The following EMID1 variants were observed in gnomAD, a reference collection of about 807,000 sequenced individuals.
EMID1 encodes EMI domain-containing protein 1.
A neutral mutation model predicts 60.6 loss-of-function variants in EMID1; 40 were observed. The ratio of observed to expected loss-of-function variants is 0.66; its 90% CI spans 0.51 to 0.86. The LOEUF is 0.86. Ranked by LOEUF, EMID1 falls within the 40% of genes least tolerant of loss-of-function variation. The probability of loss-of-function intolerance (pLI) is 0.00; values close to 1 mark genes in which losing one functional copy is unlikely to be tolerated. For synonymous variants in EMID1, 242 were observed against 231.0 expected, an observed-to-expected ratio of 1.05 and a Z score of -0.43; for missense variants, 585 against 597.1, an observed-to-expected ratio of 0.98 and a Z score of 0.21.
chr22:29,225,133 T>C lies in EMID1; in HGVS notation c.320T>C (p.Val107Ala), dbSNP rs142089387. ...PGHSGVSCEE[V>A]AASSASLEPM... ...AGGGCTCTCACCCTCCATCCCTTAG[T>C]TGCAGCTTCCTCTGCCTCCTTGGAG... Residue 107 changes from valine (V) to alanine (A), a missense_variant and splice_region_variant, in exon 4 of 15, where the codon GTT becomes GCT. Coordinates refer to ENST00000334018, the MANE Select transcript of EMID1 (RefSeq NM_133455.4). 15 of 1,613,742 alleles carry C rather than the reference T, an allele frequency of 9.3e-6. No individual in the cohort carries two copies. The Admixed American group carries it at 1.7e-4, about 18-fold the overall frequency.
rs562700332 is a variant in EMID1, at chr22:29,231,491, C to T, written c.587-102C>T. On this transcript the variant is annotated intron_variant, in intron 6 of 14. Coordinates refer to ENST00000334018, the MANE Select transcript of EMID1 (RefSeq NM_133455.4). ...GGAGCCATAGAGAGTGTGAGGGTCCCGCTGCTTCCCCGAAATGGTAGATGC... is the reference window on the plus strand; with the variant it reads ...GGAGCCATAGAGAGTGTGAGGGTCCTGCTGCTTCCCCGAAATGGTAGATGC... The T allele has an allele frequency of 1.8e-5, 23 of 1,281,856 alleles. No homozygotes were observed. The Admixed American group carries it at 2.0e-4, about 11-fold the overall frequency. 79.4% of individuals were successfully genotyped at this position (1,281,856 alleles called of 1,614,324 possible). A position where few individuals can be genotyped will look rare whatever the true frequency, so the allele number is the denominator to read the frequency against.
At chr22:29,234,424 C>A in intron 12 of EMID1, 75 bp downstream of exon 12, 1 of 1,528,450 alleles carries the variant, frequency 6.5e-7, no homozygotes, top group East Asian at 2.3e-5. Flanking sequence ...GACTCCATCC[C>A]CTGCAACCAG....
intron 13 of EMID1, among the ~76,000 whole-genome samples, chr22:29,248,636 GAGTTCCAGACTAACCTAGGCAGC>G: frequency 6.6e-6 from 1 of 152,108 alleles, no homozygotes; most frequent in Non-Finnish European, 1.5e-5. Context: ...TTGAGCCCAG[GAGTTCCAGACTAACCTAGGCAGC>G]ATAGCGAGAC....
At chr22:29,228,605 C>T (rs1180471463) in intron 5 of EMID1, among the ~76,000 whole-genome samples, 3 of 152,154 alleles carry the variant, frequency 2.0e-5, no homozygotes, top group African/African-American at 7.2e-5. Flanking sequence ...GATTCAGAAA[C>T]AGGGTCTTGC....
At chr22:29,234,398 C>T (rs762841078) in intron 12 of EMID1, 49 bp downstream of exon 12, 1 of 1,596,304 alleles carries the variant, frequency 6.3e-7, no homozygotes, top group Non-Finnish European at 8.5e-7. Flanking sequence ...ATCCCTTAGT[C>T]CCAGATTCCT....
intron 12 of EMID1, among the ~76,000 whole-genome samples, chr22:29,243,172 A>G (rs5752885): frequency 0.14 from 20,826 of 152,032 alleles, 1,655 homozygotes; most frequent in East Asian, 0.23. Context: ...GATGGGGCTG[A>G]GGTGCACCCT....
Position 29,255,131 on chromosome 22 carries a change from A to C in EMID1, c.1204+844A>C, listed in dbSNP as rs541506399. The C allele has an allele frequency of 5.4e-5, 26 of 485,684 alleles. No individual in the cohort carries two copies. The East Asian group carries it at 6.5e-4, about 12-fold the overall frequency. The allele number at this position is 485,684 out of a possible 1,614,324, so 30.1% of individuals were successfully genotyped here. ...GTCCCCACCATAGGAGGGGAAACTG[A>C]GGTCTCAGTACTGAGACTCACTCCC... On this transcript the variant is annotated intron_variant, in intron 14 of 14. Transcript: ENST00000334018.
At chr22:29,211,983 A>G (rs1221133619) in intron 1 of EMID1, among the ~76,000 whole-genome samples, 1 of 151,868 alleles carries the variant, frequency 6.6e-6, no homozygotes, top group East Asian at 1.9e-4. Flanking sequence ...TCAAAACCAC[A>G]CCTTTGGTTT....
Position 29,228,585 on chromosome 22 carries a change from G to T in EMID1, c.465+2034G>T, listed in dbSNP as rs569767050. 4.6e-5 allele frequency among the ~76,000 whole-genome samples: 7 copies of T among 152,104 alleles called. No individual in the cohort carries two copies. In the South Asian group the frequency reaches 1.2e-3, roughly 27 times the overall value. ...CTGGAAATTTATCTTTTGTTTGTTC[G>T]TTTTGTTTTGATTCAGAAACAGGGT... On this transcript the variant is annotated intron_variant, in intron 5 of 14. Coordinates refer to ENST00000334018, the MANE Select transcript of EMID1 (RefSeq NM_133455.4).
chr22:29,234,131 G>T lies in EMID1; in HGVS notation c.967-6G>T. The T allele has an allele frequency of 6.3e-7, 1 of 1,580,874 alleles. No homozygotes were observed. Among genetic ancestry groups the T allele is most frequent in the Non-Finnish European group, 8.6e-7 (1 of 1,162,582 alleles). On this transcript the variant is annotated splice_polypyrimidine_tract_variant and splice_region_variant and intron_variant, in intron 10 of 14. Coordinates refer to ENST00000334018, the MANE Select transcript of EMID1 (RefSeq NM_133455.4). ...CACAAGGCTGAGGCCCTGTCTTGTT[G>T]CTCAGGGACCCCCAGGCCCCACTGG...
At chr22:29,233,132 G>A (rs1374072032) in intron 8 of EMID1, 5 of 557,684 alleles carry the variant, frequency 9.0e-6, no homozygotes, top group Middle Eastern at 4.7e-4. Context: ...GCTCTGAAAA[G>A]TAGAAAGTGT....
At chr22:29,231,536 A>C (rs538294511) in intron 6 of EMID1, 57 bp from the exon 7 acceptor site, 9 of 1,526,310 alleles carry the variant, frequency 5.9e-6, no homozygotes, top group Non-Finnish European at 8.0e-6. Flanking sequence ...GGCTGGGGCC[A>C]GGGTGGGGGT....
chr22:29,244,652 G>A (rs113051044), intron 13 of EMID1, among the ~76,000 whole-genome samples: 1,362 of 116,200 alleles, frequency 0.012, 23 homozygotes, highest in East Asian at 0.025. Context: ...AAAAAAAAAA[G>A]AAAAGAAAAG....
chr22:29,233,566 T>A (rs747080088), intron 9 of EMID1, 48 bp from the exon 10 acceptor site: 1 of 1,582,892 alleles, frequency 6.3e-7, no homozygotes, highest in Non-Finnish European at 8.7e-7. Flanking sequence ...GGGCACTTCC[T>A]GAGATTGTAC....
At position 29,259,022 on chromosome 22, in the gene EMID1, G is replaced by T; in HGVS notation, c.*78G>T. The T allele has an allele frequency of 6.5e-7, 1 of 1,537,766 alleles. No homozygotes were observed. Among genetic ancestry groups the T allele is most frequent in the Non-Finnish European group, 8.7e-7 (1 of 1,144,694 alleles). ...ACTCGGCCAGCTGCCTCCAGGGACC[G>T]CCCGTCCATATTTATTAATGTCCTC... is the stretch of plus-strand genomic sequence containing the variant. On this transcript the variant is annotated 3_prime_UTR_variant, in exon 15 of 15. Coordinates refer to ENST00000334018, the MANE Select transcript of EMID1 (RefSeq NM_133455.4).
intron 12 of EMID1, among the ~76,000 whole-genome samples, chr22:29,240,924 C>T (rs2041132340): frequency 6.6e-6 from 1 of 152,190 alleles, no homozygotes. Context: ...ACAGGTTAGG[C>T]TCTGGTAAAG....
chr22:29,214,920 T>C lies in EMID1; in HGVS notation c.102-6T>C. The stretch of plus-strand genomic sequence containing the variant: ...CCTGAGTTTCCTCTCTTTGGGTCTG[T>C]TTCAGGAACTGGTGCTCCTATGTGG... On this transcript the variant is annotated splice_region_variant and splice_polypyrimidine_tract_variant and intron_variant, in intron 1 of 14. Coordinates refer to ENST00000334018, the MANE Select transcript of EMID1 (RefSeq NM_133455.4). 6.6e-7 allele frequency: 1 copy of C among 1,519,436 alleles called. No individual in the cohort carries two copies. The highest frequency in any genetic ancestry group is 1.2e-5 in the South Asian group (1 of 80,556). 94.1% of individuals were successfully genotyped at this position (1,519,436 alleles called of 1,614,324 possible). A position where few individuals can be genotyped will look rare whatever the true frequency, so the allele number is the denominator to read the frequency against.
At chr22:29,211,064 T>C (rs1202275478) in intron 1 of EMID1, among the ~76,000 whole-genome samples, 1 of 152,160 alleles carries the variant, frequency 6.6e-6, no homozygotes, top group Admixed American at 6.5e-5. Context: ...TCAGCCTATA[T>C]GCGTCCATGC....
intron 13 of EMID1, among the ~76,000 whole-genome samples, 171 bp downstream of exon 13, chr22:29,243,660 C>A (rs1363184275): frequency 1.3e-5 from 2 of 152,252 alleles, no homozygotes; most frequent in Non-Finnish European, 2.9e-5. Flanking sequence ...CTCCTTCCCC[C>A]ATCTTGTTGC....
Sources: gnomAD v4.1 joint callset for allele counts (sites outside exome capture counted in the v4.1 genomes callset) on GRCh38, gnomAD v4.1.1 for gene constraint, MANE v1.5 for transcripts, NCBI Gene and HGNC (gene_info 2026-07-23, HGNC 2026-07-21) for gene names.